SPATS2L: variants seen among roughly 807,000 people sequenced by gnomAD.
SPATS2L encodes spermatogenesis associated serine rich 2 like.
SPATS2L carries 30 observed loss-of-function variants against 59.6 expected under a neutral mutation model. The ratio of observed to expected loss-of-function variants is 0.50; its 90% confidence interval spans 0.38 to 0.68. SPATS2L has a LOEUF of 0.68. Ranked by LOEUF, SPATS2L falls within the 30% of genes least tolerant of loss-of-function variation. SPATS2L has a pLI of 0.00. For synonymous variants in SPATS2L, 252 were observed against 263.5 expected, an observed-to-expected ratio of 0.96 and a Z score of 0.42; for missense variants, 615 against 700.0, an observed-to-expected ratio of 0.88 and a Z score of 1.37.
intron 2 of SPATS2L, among the ~76,000 whole-genome samples, chr2:200,331,434 T>A (rs746662939): frequency 2.3e-4 from 35 of 152,228 alleles, no homozygotes; most frequent in Non-Finnish European, 4.0e-4. Context: ...TGTACATAGA[T>A]GTTTTTCCCC....
intron 6 of SPATS2L, among the ~76,000 whole-genome samples, chr2:200,436,518 C>T (rs1425666346): frequency 6.6e-6 from 1 of 152,112 alleles, no homozygotes; most frequent in Admixed American, 6.6e-5. Flanking sequence ...TCACATTTCT[C>T]AATTGATATC....
intron 6 of SPATS2L, among the ~76,000 whole-genome samples, chr2:200,421,199 G>C (rs1054367897): frequency 6.6e-6 from 1 of 152,158 alleles, no homozygotes; most frequent in Non-Finnish European, 1.5e-5. Context: ...TTTAAGGTTT[G>C]GGGAAGAGAG....
chr2:200,452,399 A>C (rs758160215), intron 8 of SPATS2L, among the ~76,000 whole-genome samples: 1 of 152,222 alleles, frequency 6.6e-6, no homozygotes, highest in Non-Finnish European at 1.5e-5. Flanking sequence ...TTTTTTAATT[A>C]ATTATGTCCT....
intron 3 of SPATS2L, among the ~76,000 whole-genome samples, chr2:200,405,556 T>C (rs754048539): frequency 7.1e-4 from 108 of 152,140 alleles, no homozygotes; most frequent in Non-Finnish European, 1.2e-3. Context: ...CTGCAAAGAG[T>C]ATTTTCTTCC....
intron 12 of SPATS2L, among the ~76,000 whole-genome samples, chr2:200,474,099 TTTTC>T (rs1367244839): frequency 6.8e-6 from 1 of 147,440 alleles, no homozygotes; most frequent in African/African-American, 2.6e-5. Flanking sequence ...AGAAAAAGTC[TTTTC>T]TTTTTTTTTT....
intron 9 of SPATS2L, 128 bp downstream of exon 9, chr2:200,459,955 A>G: frequency 1.4e-6 from 1 of 694,208 alleles, no homozygotes; most frequent in Non-Finnish European, 2.4e-6. Flanking sequence ...TGGCTCATGA[A>G]CTCTGTAACC....
chr2:200,336,169 C>T (rs1293002707), intron 2 of SPATS2L, among the ~76,000 whole-genome samples: 4 of 152,098 alleles, frequency 2.6e-5, no homozygotes, highest in African/African-American at 4.8e-5. Flanking sequence ...TTGTCAGCCA[C>T]GTTATGAGTT....
chr2:200,305,961 A>T, upstream of SPATS2L: 1 of 777,962 alleles, frequency 1.3e-6, no homozygotes, highest in African/African-American at 1.9e-5. Context: ...AACTGCTTTT[A>T]CTCTCCCGAC....
intron 8 of SPATS2L, among the ~76,000 whole-genome samples, chr2:200,445,411 A>T (rs1299141973): frequency 6.6e-6 from 1 of 152,250 alleles, no homozygotes; most frequent in Non-Finnish European, 1.5e-5. Flanking sequence ...AATCCTTCTC[A>T]TCTGCTACTG....
chr2:200,327,498 T>G (rs1424709267), intron 1 of SPATS2L, among the ~76,000 whole-genome samples: 1 of 152,250 alleles, frequency 6.6e-6, no homozygotes, highest in African/African-American at 2.4e-5. Context: ...AAGTGCTGCT[T>G]CTTTCCATGT....
rs1234717275 is a variant in SPATS2L at position 200,465,894 on chromosome 2, T to C, written c.848-1396T>C. Reference sequence around the variant, plus strand: ...AAGTATACAAAAAATTAGCCAGGCATGGTGGCGGGCGCCTGTAGTCCCAGC... The same window carrying C: ...AAGTATACAAAAAATTAGCCAGGCACGGTGGCGGGCGCCTGTAGTCCCAGC... On this transcript the variant is annotated intron_variant, in intron 9 of 12. Transcript: ENST00000409140. 2.6e-5 allele frequency among the ~76,000 whole-genome samples: 4 copies of C among 152,112 alleles called. No homozygotes were observed. In the East Asian group the frequency reaches 7.7e-4, roughly 29 times the overall value.
At position 200,412,301 on chromosome 2, in the gene SPATS2L, T is replaced by C. The variant is rs79156464; in HGVS notation, c.40-10T>C. The C allele has an allele frequency of 7.1e-7, 1 of 1,411,324 alleles. No individual in the cohort carries two copies. Among genetic ancestry groups the C allele is most frequent in the Non-Finnish European group, 9.6e-7 (1 of 1,036,660 alleles). The allele number at this position is 1,411,324 out of a possible 1,614,324, so 87.4% of individuals were successfully genotyped here. ...ACATTTCTATTTCTTTTTTTTTTTT[T>C]CCTTTACAGATCTATGCAGTTAGAT... On this transcript the variant is annotated splice_polypyrimidine_tract_variant and intron_variant, in intron 3 of 12. Transcript: ENST00000409140.
At chr2:200,357,497 TGAAAAATGTAGAGAGGGGG>T (rs1333277985) in intron 2 of SPATS2L, among the ~76,000 whole-genome samples, 1 of 152,226 alleles carries the variant, frequency 6.6e-6, no homozygotes, top group Non-Finnish European at 1.5e-5. Flanking sequence ...TTCTGCCTTT[TGAAAAATGTAGAGAGGGGG>T]AAAAGTAACT....
At chr2:200,475,347 A>G (rs1241314946) in intron 12 of SPATS2L, among the ~76,000 whole-genome samples, 3 of 152,186 alleles carry the variant, frequency 2.0e-5, no homozygotes, top group African/African-American at 7.2e-5. Context: ...GTGGTGGGGC[A>G]CAGCTTGGTT....
rs949156843 is a variant in SPATS2L, at chr2:200,386,222, A to G, written c.-22-3001A>G. Among the ~76,000 whole-genome samples, 11 of 152,318 alleles carry G rather than the reference A, an allele frequency of 7.2e-5. No individual in the cohort carries two copies. The East Asian group carries it at 1.9e-3, about 27-fold the overall frequency. ...AGAGGCAGCCTTCCACCTGGGAAAA[A>G]TAATTGAGAGTAAAATGGGCAAGGA... On this transcript the variant is annotated intron_variant, in intron 2 of 12. Coordinates refer to ENST00000409140, the MANE Select transcript of SPATS2L (RefSeq NM_001100423.2).
intron 2 of SPATS2L, among the ~76,000 whole-genome samples, chr2:200,333,743 A>G (rs910642287): frequency 2.0e-5 from 3 of 152,040 alleles, no homozygotes; most frequent in Non-Finnish European, 4.4e-5. Flanking sequence ...ATGAGTGAGA[A>G]CATGTAGTGT....
At chr2:200,306,444 C>A (rs2079013336), upstream of SPATS2L, 2 of 1,001,870 alleles carry the variant, frequency 2.0e-6, no homozygotes, top group Non-Finnish European at 1.2e-6. Context: ...TGGGATTCTT[C>A]TAGAAAGTGG....
chr2:200,354,708 G>T (rs1218160459), intron 2 of SPATS2L, among the ~76,000 whole-genome samples: 3 of 152,156 alleles, frequency 2.0e-5, no homozygotes, highest in African/African-American at 7.2e-5. Flanking sequence ...CTGTTGCCAA[G>T]GATTCTTATT....
intron 10 of SPATS2L, among the ~76,000 whole-genome samples, chr2:200,467,857 T>C (rs1178626948): frequency 2.6e-5 from 4 of 152,208 alleles, no homozygotes; most frequent in African/African-American, 9.7e-5. Context: ...TTTAGTTGCA[T>C]TTTTATTAAG....
Sources: gnomAD v4.1 joint callset for allele counts (sites outside exome capture counted in the v4.1 genomes callset) on GRCh38, gnomAD v4.1.1 for gene constraint, MANE v1.5 for transcripts, NCBI Gene and HGNC (gene_info 2026-07-23, HGNC 2026-07-21) for gene names.